Variants in ADAP1 observed in about 807,000 individuals in gnomAD.
ADAP1 encodes the protein ArfGAP with dual PH domains 1, also known as arf-GAP with dual PH domain-containing protein 1.
A neutral mutation model predicts 54.9 loss-of-function variants in ADAP1; 31 were observed. The observed-to-expected ratio is 0.56, with a 90% CI of 0.42 to 0.76. The LOEUF is 0.76. Among genes scored for constraint, ADAP1 ranks in the 30% least tolerant of loss-of-function variants. The pLI is 0.00. For synonymous variants in ADAP1, 313 were observed against 202.6 expected, an observed-to-expected ratio of 1.55 and a Z score of -4.63; for missense variants, 535 against 512.4, an observed-to-expected ratio of 1.04 and a Z score of -0.42.
chr7:919,133 C>T (rs78708338), intron 4 of ADAP1, among the ~76,000 whole-genome samples: 2 of 152,326 alleles, frequency 1.3e-5, no homozygotes, highest in East Asian at 1.9e-4. Flanking sequence ...TTCTGCCACC[C>T]GAGGGCCCCC....
intron 1 of ADAP1, among the ~76,000 whole-genome samples, chr7:950,468 A>AATGAGACTCT (rs1847239520): frequency 6.7e-6 from 1 of 148,310 alleles, no homozygotes; most frequent in African/African-American, 2.5e-5. Flanking sequence ...CCTGGGCGAC[A>AATGAGACTCT]GAATGAGACT....
At chr7:904,943 C>G (rs531882191) in intron 5 of ADAP1, 117 bp downstream of exon 5, 7 of 854,084 alleles carry the variant, frequency 8.2e-6, no homozygotes, top group Admixed American at 2.0e-5. Flanking sequence ...GCGTCCCCAT[C>G]GGGGGGGGCA....
At chr7:905,023 G>T in intron 5 of ADAP1, 37 bp downstream of exon 5, 1 of 1,579,750 alleles carries the variant, frequency 6.3e-7, no homozygotes, top group Non-Finnish European at 8.6e-7. Flanking sequence ...ATGCCGCCCT[G>T]GGACAGGCCC....
intron 4 of ADAP1, among the ~76,000 whole-genome samples, chr7:919,312 A>G (rs1846065099): frequency 6.6e-6 from 1 of 152,070 alleles, no homozygotes. Context: ...CCACCCCCGA[A>G]TGGAAGTGCG....
chr7:915,204 C>G (rs187012096), intron 4 of ADAP1, among the ~76,000 whole-genome samples: 1 of 152,056 alleles, frequency 6.6e-6, no homozygotes, highest in East Asian at 2.0e-4. Context: ...ACGGCACCTT[C>G]ACAAAGGGCC....
chr7:899,094 C>A lies in ADAP1; in HGVS notation c.1035G>T (p.Arg345Ser). 6.2e-7 allele frequency: 1 copy of A among 1,608,370 alleles called. No individual in the cohort carries two copies. Among genetic ancestry groups the A allele is most frequent in the East Asian group, 2.2e-5 (1 of 44,878 alleles). ...CCTTCTGGAAGGCCGCCACCCACTC[C>A]CTCTGGTCGGACTCCGTCTCGCAGG... is the stretch of plus-strand genomic sequence containing the variant. The part of the protein sequence containing the change: ...LFACETESDQ[R>S]EWVAAFQKAV... Residue 345 changes from arginine (R) to serine (S), a missense_variant, in exon 10 of 11, where the codon AGG (arginine) becomes AGT (serine). Transcript: ENST00000265846.
intron 4 of ADAP1, among the ~76,000 whole-genome samples, chr7:915,696 G>A (rs1473172767): frequency 6.6e-6 from 1 of 152,110 alleles, no homozygotes; most frequent in African/African-American, 2.4e-5. Flanking sequence ...GCAGGAACAG[G>A]ATTCCAGTTG....
rs1026123574 is a variant in ADAP1 at position 926,385 on chromosome 7, G to A, written c.305+168C>T. On this transcript the variant is annotated intron_variant, in intron 3 of 10. Transcript: ENST00000265846. This position sits in a 1 kb window ranked among gnomAD's most constrained non-coding sequence, Gnocchi z 4.6. ...GCCCCAGAACCAAAGCCCGGTGGTG[G>A]CCAGCAGACACAGGCGGCACCTCGG... is the stretch of plus-strand genomic sequence containing the variant. Among the ~76,000 whole-genome samples the A allele has an allele frequency of 9.6e-6, 1 of 104,266 alleles. No individual in the cohort carries two copies. The highest frequency in any genetic ancestry group is 2.2e-5 in the Non-Finnish European group (1 of 46,080). 68.4% of individuals were successfully genotyped at this position (104,266 alleles called of 152,430 possible). A position where few individuals can be genotyped will look rare whatever the true frequency, so the allele number is the denominator to read the frequency against.
In ADAP1 at chr7:920,010, G is replaced by A; in HGVS notation, c.346C>T (p.Gln116Ter). ...EQWIRAKYER[Q>*]EFIYPEKQEP... ...TGCTTCTCCGGGTAGATGAACTCCT[G>A]TCGCTCGTACTTGGCCCGGATCCAC... The change falls in exon 4 of 11, where the codon CAG (glutamine) becomes TAG (stop). Residue 116 changes from glutamine (Q) to a stop codon, truncating the protein, a stop_gained. Coordinates refer to ENST00000265846, the MANE Select transcript of ADAP1 (RefSeq NM_006869.4). LOFTEE classifies it high-confidence loss of function. This position sits in a 1 kb window ranked among gnomAD's most constrained non-coding sequence, Gnocchi z 4.5. 6.2e-7 allele frequency: 1 copy of A among 1,607,884 alleles called. No homozygotes were observed. The highest frequency in any genetic ancestry group is 8.5e-7 in the Non-Finnish European group (1 of 1,179,556).
At chr7:931,828 G>C (rs1342592585) in intron 2 of ADAP1, among the ~76,000 whole-genome samples, 4 of 151,940 alleles carry the variant, frequency 2.6e-5, no homozygotes, top group African/African-American at 9.7e-5. Context: ...AAGAATCTTT[G>C]GTTCCTGGCC....
intron 2 of ADAP1, chr7:935,032 T>A (rs1846704722): frequency 4.8e-6 from 2 of 419,366 alleles, no homozygotes. Context: ...AGAGACAGGG[T>A]CTCTTTTACC....
chr7:914,164 T>C (rs1019926393), intron 4 of ADAP1, among the ~76,000 whole-genome samples: 2 of 152,122 alleles, frequency 1.3e-5, no homozygotes, highest in Non-Finnish European at 2.9e-5. Context: ...AGTTCTTGGT[T>C]CCGGCTCATT....
At chr7:921,213 C>T (rs546425364) in intron 3 of ADAP1, among the ~76,000 whole-genome samples, 23 of 152,270 alleles carry the variant, frequency 1.5e-4, no homozygotes, top group Non-Finnish European at 1.6e-4. Flanking sequence ...GCCGCCAGTG[C>T]CCCCACCTCG....
At chr7:915,880 C>T (rs951521928) in intron 4 of ADAP1, among the ~76,000 whole-genome samples, 4 of 151,366 alleles carry the variant, frequency 2.6e-5, no homozygotes, top group African/African-American at 9.7e-5. Flanking sequence ...TTCCACGAGA[C>T]GCTGTCTGCC....
intron 1 of ADAP1, among the ~76,000 whole-genome samples, chr7:952,424 C>A (rs896426225): frequency 2.0e-5 from 3 of 152,224 alleles, no homozygotes; most frequent in African/African-American, 7.2e-5. Flanking sequence ...GCCACCCCAG[C>A]CCCCATCAAC....
intron 2 of ADAP1, 127 bp downstream of exon 2, chr7:935,246 AGC>A: frequency 7.5e-7 from 1 of 1,339,238 alleles, no homozygotes; most frequent in Non-Finnish European, 1.0e-6. Context: ...GGGTCCAGCC[AGC>A]CAGGCCCCCA....
At chr7:939,842 A>G (rs1474741461) in intron 1 of ADAP1, among the ~76,000 whole-genome samples, 1 of 151,872 alleles carries the variant, frequency 6.6e-6, no homozygotes, top group African/African-American at 2.4e-5. Flanking sequence ...AAAAAAAAAA[A>G]AAAAGTTTGC....
At position 945,848 on chromosome 7, in the gene ADAP1, G is replaced by A. The variant is rs1847122087; in HGVS notation, c.82+8548C>T. 2 of 985,424 alleles carry A rather than the reference G, an allele frequency of 2.0e-6. No individual in the cohort carries two copies. The allele number at this position is 985,424 out of a possible 1,614,324, so 61.0% of individuals were successfully genotyped here. A position where few individuals can be genotyped will look rare whatever the true frequency, so the allele number is the denominator to read the frequency against. On this transcript the variant is annotated intron_variant, in intron 1 of 10. Transcript: ENST00000265846. The surrounding 1 kb of genome is among the most constrained non-coding windows in gnomAD (Gnocchi z 4.2). Reference sequence around the variant, plus strand: ...CCTGGGCAGGTGAGCCACATTCTTGGGCGGAGCCAGGTGGGGCAGGCGTGT... The same window carrying A: ...CCTGGGCAGGTGAGCCACATTCTTGAGCGGAGCCAGGTGGGGCAGGCGTGT...
chr7:919,189 G>A (rs1191264246), intron 4 of ADAP1, among the ~76,000 whole-genome samples: 1 of 87,106 alleles, frequency 1.1e-5, no homozygotes, highest in Non-Finnish European at 2.5e-5. Flanking sequence ...CGCAGGCCGG[G>A]GCCGCACCCT....
Sources: gnomAD v4.1 joint callset for allele counts (sites outside exome capture counted in the v4.1 genomes callset) on GRCh38, gnomAD v4.1.1 for gene constraint, Gnocchi (gnomAD v3.1) non-coding constraint, MANE v1.5 for transcripts, NCBI Gene and HGNC (gene_info 2026-07-23, HGNC 2026-07-21) for gene names.